The following CA12 variants were observed in gnomAD, a reference collection of about 807,000 sequenced individuals.
CA12 encodes the protein carbonic anhydrase 12.
CA12 carries 36 observed loss-of-function variants against 46.8 expected under a neutral mutation model. That is an observed-to-expected ratio of 0.77 (90% CI 0.59 to 1.02). The LOEUF is 1.02. Ranked by LOEUF, CA12 falls within the 50% of genes least tolerant of loss-of-function variation. The pLI is 0.00. For synonymous variants in CA12, 202 were observed against 187.0 expected (o/e 1.08, Z -0.65); for missense variants, 436 against 451.4 (o/e 0.97, Z 0.31).
chr15:63,359,548 T>C (rs1168396451), intron 2 of CA12, among the ~76,000 whole-genome samples: 1 of 151,908 alleles, frequency 6.6e-6, no homozygotes, highest in African/African-American at 2.4e-5. Context: ...CAAATATATA[T>C]ACACATGCAA....
At chr15:63,326,561 T>C (rs1023942039) in intron 10 of CA12, among the ~76,000 whole-genome samples, 3 of 152,156 alleles carry the variant, frequency 2.0e-5, no homozygotes, top group Non-Finnish European at 2.9e-5. Flanking sequence ...CCAACTGTTC[T>C]CTTTCACACC....
At chr15:63,351,427 C>T (rs931559880) in intron 2 of CA12, among the ~76,000 whole-genome samples, 1 of 152,184 alleles carries the variant, frequency 6.6e-6, no homozygotes, top group Admixed American at 6.5e-5. Context: ...TCCGTACACT[C>T]CCTTTCTCCC....
rs34704344 is a variant in CA12 at position 63,323,472 on chromosome 15, G to C, written c.*2813C>G. The C allele has an allele frequency of 0.045, 6,848 of 151,824 alleles. 195 individuals carry two copies. Among genetic ancestry groups the C allele is most frequent in the Middle Eastern group, 0.065 (19 of 294 alleles). 9.4% of individuals were successfully genotyped at this position (151,824 alleles called of 1,614,324 possible). ...CCTATCCCCATAACAGGGAGCTACA[G>C]AGTGCTTTGCAAATAGTAATGCTTT... On this transcript the variant is annotated 3_prime_UTR_variant, in exon 11 of 11. Coordinates refer to ENST00000178638, the MANE Select transcript of CA12 (RefSeq NM_001218.5). This position sits in a 1 kb window ranked among gnomAD's most constrained non-coding sequence, Gnocchi z 5.1.
Position 63,378,381 on chromosome 15 carries a change from C to T in CA12, c.86-2703G>A, listed in dbSNP as rs542223486. On this transcript the variant is annotated intron_variant, in intron 1 of 10. Transcript: ENST00000178638. The surrounding 1 kb of genome is among the most constrained non-coding windows in gnomAD (Gnocchi z 4.8). ...CCAGAATGGGTGACAGAGCGAGACT[C>T]TGTCTCAAAAAAAAAATTTCCCTAA... is the stretch of plus-strand genomic sequence containing the variant. 3.9e-5 allele frequency among the ~76,000 whole-genome samples: 6 copies of T among 151,916 alleles called. No homozygotes were observed. Among genetic ancestry groups the T allele is most frequent in the East Asian group, 1.9e-4 (1 of 5,164 alleles).
chr15:63,370,687 C>T lies in CA12; in HGVS notation c.106+4971G>A, dbSNP rs1045972139. Among the ~76,000 whole-genome samples the T allele has an allele frequency of 2.0e-5, 3 of 151,392 alleles. No homozygotes were observed. The East Asian group carries it at 5.8e-4, about 29-fold the overall frequency. The stretch of plus-strand genomic sequence containing the variant: ...ACTTGGGAGTCTGAGGCAGGAGAAT[C>T]GCTTGAACCTGGGAGGCGGAGGTTG... On this transcript the variant is annotated intron_variant, in intron 2 of 10. Coordinates refer to ENST00000178638, the MANE Select transcript of CA12 (RefSeq NM_001218.5).
chr15:63,341,350 G>A lies in CA12; in HGVS notation c.526-567C>T, dbSNP rs1338825619. ...ACAGCAGGAGGTGAGCAGCGGGCAA[G>A]CAAGCATTACAGCCTGAGCTCCGCC... is the stretch of plus-strand genomic sequence containing the variant. On this transcript the variant is annotated intron_variant, in intron 5 of 10. Transcript: ENST00000178638. The surrounding 1 kb of genome is among the most constrained non-coding windows in gnomAD (Gnocchi z 5.2). Among the ~76,000 whole-genome samples, 4 of 152,242 alleles carry A rather than the reference G, an allele frequency of 2.6e-5. No individual in the cohort carries two copies. The highest frequency in any genetic ancestry group is 2.0e-4 in the Admixed American group (3 of 15,286).
chr15:63,349,369 G>T lies in CA12; in HGVS notation c.107-2660C>A, dbSNP rs545481264. ...AGGGGAACCAGCTTCGGGAATGAGG[G>T]CACAGGGCACCGGTGCTCCAGGACT... On this transcript the variant is annotated intron_variant, in intron 2 of 10. Coordinates refer to ENST00000178638, the MANE Select transcript of CA12 (RefSeq NM_001218.5). Among the ~76,000 whole-genome samples the T allele has an allele frequency of 1.6e-4, 24 of 152,326 alleles. No homozygotes were observed. In the South Asian group the frequency reaches 5.0e-3, roughly 32 times the overall value.
At chr15:63,349,869 C>T (rs1234701874) in intron 2 of CA12, among the ~76,000 whole-genome samples, 1 of 152,170 alleles carries the variant, frequency 6.6e-6, no homozygotes, top group East Asian at 1.9e-4. Context: ...GAACTCTCAA[C>T]ACCTGTTTCA....
chr15:63,340,058 CT>C lies in CA12; in HGVS notation c.747+229del. 1.7e-5 allele frequency: 10 copies of C among 575,450 alleles called. No homozygotes were observed. The highest frequency in any genetic ancestry group is 6.2e-5 in the East Asian group (2 of 32,506). The allele number at this position is 575,450 out of a possible 1,614,324, so 35.6% of individuals were successfully genotyped here. ...TATTAGCAAATGCAGATTTAGAGCT[CT>C]TTTTTTTAAAAAAGAACTAGGAGAC... On this transcript the variant is annotated intron_variant, in intron 7 of 10. Transcript: ENST00000178638. The surrounding 1 kb of genome is among the most constrained non-coding windows in gnomAD (Gnocchi z 4.4).
At chr15:63,336,315 G>A (rs774797381) in intron 8 of CA12, among the ~76,000 whole-genome samples, 1 of 152,102 alleles carries the variant, frequency 6.6e-6, no homozygotes, top group African/African-American at 2.4e-5. Context: ...GACACAAGCC[G>A]GTCTAAGAAG....
At position 63,331,025 on chromosome 15, in the gene CA12, G is replaced by A. The variant is rs893928275; in HGVS notation, c.875-2895C>T. ...GCTGTTAAGGAAGAGGAATGCCGGC[G>A]AGGGTGTCACCCGATAGTTCCACCA... is the stretch of plus-strand genomic sequence containing the variant. On this transcript the variant is annotated intron_variant, in intron 8 of 10. Coordinates refer to ENST00000178638, the MANE Select transcript of CA12 (RefSeq NM_001218.5). This position sits in a 1 kb window ranked among gnomAD's most constrained non-coding sequence, Gnocchi z 5.3. Among the ~76,000 whole-genome samples, 1 of 152,208 alleles carries A rather than the reference G, an allele frequency of 6.6e-6. No individual in the cohort carries two copies. Among genetic ancestry groups the A allele is most frequent in the Non-Finnish European group, 1.5e-5 (1 of 68,040 alleles).
At position 63,372,077 on chromosome 15, in the gene CA12, C is replaced by A. The variant is rs2039515265; in HGVS notation, c.106+3581G>T. On this transcript the variant is annotated intron_variant, in intron 2 of 10. Transcript: ENST00000178638. This position sits in a 1 kb window ranked among gnomAD's most constrained non-coding sequence, Gnocchi z 4.5. The stretch of plus-strand genomic sequence containing the variant: ...ACCAAGGACCTGAACGTGCCCACAA[C>A]CCTTCCTGCCTCCTTCCGGTCATCT... Among the ~76,000 whole-genome samples, 1 of 152,210 alleles carries A rather than the reference C, an allele frequency of 6.6e-6. No homozygotes were observed. The highest frequency in any genetic ancestry group is 1.5e-5 in the Non-Finnish European group (1 of 68,038).
rs1264675733 is a variant in CA12, at chr15:63,330,585, C to G, written c.875-2455G>C. On this transcript the variant is annotated intron_variant, in intron 8 of 10. Transcript: ENST00000178638. The surrounding 1 kb of genome is among the most constrained non-coding windows in gnomAD (Gnocchi z 4.0). The stretch of plus-strand genomic sequence containing the variant: ...AAACATTCTGAGAGTCACACAGGCC[C>G]CAGACCACTGAGCAGCCCAGTCTGT... Among the ~76,000 whole-genome samples the G allele has an allele frequency of 6.6e-6, 1 of 152,180 alleles. No homozygotes were observed. Among genetic ancestry groups the G allele is most frequent in the South Asian group, 2.1e-4 (1 of 4,826 alleles).
At chr15:63,364,197 G>A (rs1007930146) in intron 2 of CA12, among the ~76,000 whole-genome samples, 6 of 151,314 alleles carry the variant, frequency 4.0e-5, no homozygotes, top group South Asian at 2.1e-4. Flanking sequence ...GTGGGGGGGC[G>A]GTGAGGAGAC....
At position 63,340,498 on chromosome 15, in the gene CA12, A is replaced by G; in HGVS notation, c.590-53T>C. The G allele has an allele frequency of 1.2e-6, 2 of 1,606,616 alleles. No individual in the cohort carries two copies. Among genetic ancestry groups the G allele is most frequent in the Non-Finnish European group, 1.7e-6 (2 of 1,173,128 alleles). ...GTGTCAGCCTCCCTCCGTAGGGCAT[A>G]AGTGCAGCTGAACAGAGCGACTGAG... On this transcript the variant is annotated intron_variant, in intron 6 of 10. Coordinates refer to ENST00000178638, the MANE Select transcript of CA12 (RefSeq NM_001218.5). This position sits in a 1 kb window ranked among gnomAD's most constrained non-coding sequence, Gnocchi z 4.4.
At chr15:63,358,807 G>T (rs1032512463) in intron 2 of CA12, among the ~76,000 whole-genome samples, 1 of 151,950 alleles carries the variant, frequency 6.6e-6, no homozygotes, top group Non-Finnish European at 1.5e-5. Flanking sequence ...GTGCATACCC[G>T]CATCTGTGTC....
At position 63,339,242 on chromosome 15, in the gene CA12, G is replaced by C. The variant is rs2152615022; in HGVS notation, c.748-297C>G. ...ATCTGCCCTGCGTGGAGGGAAACCT[G>C]GGGTGATGGAGTGCTCCTTAACCTC... On this transcript the variant is annotated intron_variant, in intron 7 of 10. Transcript: ENST00000178638. This position sits in a 1 kb window ranked among gnomAD's most constrained non-coding sequence, Gnocchi z 4.3. Among the ~76,000 whole-genome samples, 3 of 83,624 alleles carry C rather than the reference G, an allele frequency of 3.6e-5. No individual in the cohort carries two copies. The highest frequency in any genetic ancestry group is 1.4e-4 in the African/African-American group (3 of 21,112). The allele number at this position is 83,624 out of a possible 152,430, so 54.9% of individuals were successfully genotyped here.
At position 63,340,504 on chromosome 15, in the gene CA12, A is replaced by G. The variant is rs867017923; in HGVS notation, c.590-59T>C. The G allele has an allele frequency of 6.3e-7, 1 of 1,597,728 alleles. No individual in the cohort carries two copies. Among genetic ancestry groups the G allele is most frequent in the African/African-American group, 1.3e-5 (1 of 74,760 alleles). On this transcript the variant is annotated intron_variant, in intron 6 of 10. Coordinates refer to ENST00000178638, the MANE Select transcript of CA12 (RefSeq NM_001218.5). This position sits in a 1 kb window ranked among gnomAD's most constrained non-coding sequence, Gnocchi z 4.4. ...GCCTCCCTCCGTAGGGCATAAGTGC[A>G]GCTGAACAGAGCGACTGAGCCTAGA...
At position 63,327,351 on chromosome 15, in the gene CA12, TC is replaced by T; in HGVS notation, c.908-119del. The T allele has an allele frequency of 2.5e-6, 2 of 812,572 alleles. No homozygotes were observed. The highest frequency in any genetic ancestry group is 1.7e-5 in the African/African-American group (1 of 58,878). 50.3% of individuals were successfully genotyped at this position (812,572 alleles called of 1,614,324 possible). On this transcript the variant is annotated intron_variant, in intron 9 of 10. Coordinates refer to ENST00000178638, the MANE Select transcript of CA12 (RefSeq NM_001218.5). The surrounding 1 kb of genome is among the most constrained non-coding windows in gnomAD (Gnocchi z 4.5). ...TAATCATCCACAGAAAGGAATAATT[TC>T]CCCATCCCTGTTCTCAGATTCTGGT... is the stretch of plus-strand genomic sequence containing the variant.
Sources: gnomAD v4.1 joint callset for allele counts (sites outside exome capture counted in the v4.1 genomes callset) on GRCh38, gnomAD v4.1.1 for gene constraint, Gnocchi (gnomAD v3.1) non-coding constraint, MANE v1.5 for transcripts, NCBI Gene and HGNC (gene_info 2026-07-23, HGNC 2026-07-21) for gene names.